The following HDHD2 variants were observed in gnomAD, a reference collection of about 807,000 sequenced individuals.
HDHD2 encodes haloacid dehalogenase-like hydrolase domain-containing protein 2.
In HDHD2, 26 loss-of-function variants were observed where a neutral mutation model predicts 24.8. That is an observed-to-expected ratio of 1.05 (90% confidence interval 0.77 to 1.45). The LOEUF (loss-of-function observed/expected upper bound fraction) is 1.45. Ranked by LOEUF, HDHD2 falls within the 40% of genes most tolerant of loss-of-function variation. The pLI is 0.00. For synonymous variants in HDHD2, 128 were observed against 114.9 expected (o/e 1.11, Z -0.73); for missense variants, 299 against 313.4 (o/e 0.95, Z 0.35).
chr18:47,115,724 C>T (rs1039358116), intron 4 of HDHD2, among the ~76,000 whole-genome samples: 11 of 152,156 alleles, frequency 7.2e-5, no homozygotes, highest in African/African-American at 2.7e-4. Context: ...AAGCAGGAGG[C>T]TCCTGAGCCT....
chr18:47,128,754 T>G (rs1260059463), intron 4 of HDHD2, among the ~76,000 whole-genome samples: 1 of 152,232 alleles, frequency 6.6e-6, no homozygotes, highest in Non-Finnish European at 1.5e-5. Context: ...AAAATTAATG[T>G]GCACACACGG....
At chr18:47,126,651 T>C (rs1392481875) in intron 4 of HDHD2, among the ~76,000 whole-genome samples, 1 of 152,130 alleles carries the variant, frequency 6.6e-6, no homozygotes, top group African/African-American at 2.4e-5. Flanking sequence ...TCTTCAGGTA[T>C]AACGATATTT....
intron 6 of HDHD2, chr18:47,110,587 A>T: frequency 1.0e-6 from 1 of 985,446 alleles, no homozygotes; most frequent in African/African-American, 1.7e-5. Context: ...TTTCTACAAA[A>T]TAGAAATTGA....
chr18:47,125,387 G>A (rs2063648793), intron 4 of HDHD2, among the ~76,000 whole-genome samples: 1 of 152,244 alleles, frequency 6.6e-6, no homozygotes, highest in South Asian at 2.1e-4. Flanking sequence ...TTCACTTCTA[G>A]ATATGTACCC....
At position 47,113,153 on chromosome 18, in the gene HDHD2, T is replaced by C. The variant is rs146304683; in HGVS notation, c.613-113A>G. On this transcript the variant is annotated intron_variant, in intron 5 of 6. Coordinates refer to ENST00000300605, the MANE Select transcript of HDHD2 (RefSeq NM_032124.5). ...TCCAACTGTAATGCCATGTTTTTTA[T>C]TGAAATAGAAAAGAGAAGATGTAAA... 66 of 829,362 alleles carry C rather than the reference T, an allele frequency of 8.0e-5. No individual in the cohort carries two copies. The African/African-American group carries it at 1.0e-3, about 13-fold the overall frequency. 51.4% of individuals were successfully genotyped at this position (829,362 alleles called of 1,614,324 possible).
At position 47,115,157 on chromosome 18, in the gene HDHD2, G is replaced by C. The variant is rs1381331000; in HGVS notation, c.587C>G (p.Pro196Arg). 4.3e-6 allele frequency: 7 copies of C among 1,613,568 alleles called. No homozygotes were observed. The highest frequency in any genetic ancestry group is 5.9e-6 in the Non-Finnish European group (7 of 1,179,740). ...LEALRGTGCE[P>R]EEAVMIGDDC... is the part of the protein sequence containing the mutation. Reference sequence around the variant, plus strand: ...ATCTCCTATCATGACAGCCTCCTCAGGTTCACAGCCAGTGCCCCGCAATGC... The same window carrying C: ...ATCTCCTATCATGACAGCCTCCTCACGTTCACAGCCAGTGCCCCGCAATGC... Residue 196 changes from proline (P) to arginine (R), a missense_variant, in exon 5 of 7, where the codon CCT becomes CGT. Physicochemically the swap from Pro to Arg is moderately radical, Grantham distance 103 (BLOSUM62 -2). Coordinates refer to ENST00000300605, the MANE Select transcript of HDHD2 (RefSeq NM_032124.5).
At position 47,108,769 on chromosome 18, in the gene HDHD2, TGATGCTC is replaced by T. The variant is rs760257083; in HGVS notation, c.686_692del (p.Arg229GlnfsTer12). ...GAGGTGGATTAATTTTTTCTTCATC[TGATGCTC>T]GATATTTCCCTGAAATGAAAGTAAA... On this transcript the variant is annotated frameshift_variant, in exon 7 of 7. Transcript: ENST00000300605. LOFTEE classifies it high-confidence loss of function. 1 of 1,605,080 alleles carries T rather than the reference TGATGCTC, an allele frequency of 6.2e-7. No homozygotes were observed. Among genetic ancestry groups the T allele is most frequent in the South Asian group, 1.1e-5 (1 of 90,616 alleles).
At chr18:47,114,726 A>C (rs1197452259) in intron 5 of HDHD2, among the ~76,000 whole-genome samples, 1 of 152,188 alleles carries the variant, frequency 6.6e-6, no homozygotes, top group Non-Finnish European at 1.5e-5. Flanking sequence ...AAGGAAAAAA[A>C]CAATAGTGGT....
At chr18:47,145,910 G>A (rs928418952) in intron 1 of HDHD2, among the ~76,000 whole-genome samples, 1 of 152,126 alleles carries the variant, frequency 6.6e-6, no homozygotes, top group African/African-American at 2.4e-5. Flanking sequence ...TAGAAAAACT[G>A]CATAAGATCT....
intron 3 of HDHD2, among the ~76,000 whole-genome samples, chr18:47,131,790 C>A (rs763886289): frequency 6.6e-6 from 1 of 152,074 alleles, no homozygotes; most frequent in East Asian, 1.9e-4. Context: ...GACTCCTGAA[C>A]GCAGTTTAAG....
At chr18:47,146,628 T>G (rs72907254) in intron 1 of HDHD2, among the ~76,000 whole-genome samples, 1,826 of 152,264 alleles carry the variant, frequency 0.012, 21 homozygotes, top group Non-Finnish European at 0.019. Context: ...AAATAAGTTG[T>G]GGTATATTTA....
At chr18:47,136,958 TTGGTGCAGACA>T in intron 1 of HDHD2, 1 of 503,420 alleles carries the variant, frequency 2.0e-6, no homozygotes, top group South Asian at 2.1e-5. Context: ...TTTGCCACTC[TTGGTGCAGACA>T]TGGTACCTCT....
chr18:47,118,120 G>A (rs967097920), intron 4 of HDHD2, among the ~76,000 whole-genome samples: 19 of 152,078 alleles, frequency 1.2e-4, no homozygotes, highest in African/African-American at 4.6e-4. Flanking sequence ...CCTAGCCCAG[G>A]GAGCAGGGCT....
intron 6 of HDHD2, chr18:47,110,011 T>C: frequency 4.1e-6 from 4 of 985,434 alleles, no homozygotes; most frequent in Non-Finnish European, 4.8e-6. Flanking sequence ...GCTCCTGCCC[T>C]GTAGCCACCA....
chr18:47,122,741 A>T (rs1568048472), intron 4 of HDHD2, among the ~76,000 whole-genome samples: 1 of 152,180 alleles, frequency 6.6e-6, no homozygotes, highest in Non-Finnish European at 1.5e-5. Flanking sequence ...TTACTGAAAA[A>T]AATGTAGTGA....
intron 4 of HDHD2, among the ~76,000 whole-genome samples, chr18:47,122,926 C>T (rs1175138573): frequency 6.6e-6 from 1 of 151,534 alleles, no homozygotes; most frequent in African/African-American, 2.4e-5. Context: ...GGATTAAAAA[C>T]AAACATAGCT....
At chr18:47,136,892 G>A in intron 1 of HDHD2, 1 of 421,862 alleles carries the variant, frequency 2.4e-6, no homozygotes, top group Non-Finnish European at 4.3e-6. Flanking sequence ...CTTTGCTGCT[G>A]TAACCTGAAA....
chr18:47,133,942 T>C (rs2063738180), intron 3 of HDHD2, among the ~76,000 whole-genome samples: 1 of 152,348 alleles, frequency 6.6e-6, no homozygotes, highest in East Asian at 1.9e-4. Context: ...TTCACTCTGA[T>C]GGTAGTTTCT....
At chr18:47,111,236 G>C in intron 6 of HDHD2, 1 of 985,226 alleles carries the variant, frequency 1.0e-6, no homozygotes, top group Non-Finnish European at 1.2e-6. Flanking sequence ...CCTGTGAAAG[G>C]CTGGTCACAA....
Sources: gnomAD v4.1 joint callset for allele counts (sites outside exome capture counted in the v4.1 genomes callset) on GRCh38, gnomAD v4.1.1 for gene constraint, MANE v1.5 for transcripts, NCBI Gene and HGNC (gene_info 2026-07-23, HGNC 2026-07-21) for gene names.